CCSER1: variants seen among roughly 807,000 people sequenced by gnomAD.
CCSER1 encodes the protein serine-rich coiled-coil domain-containing protein 1.
A neutral mutation model predicts 82.0 loss-of-function variants in CCSER1; 41 were observed. That is an observed-to-expected ratio of 0.50 (90% confidence interval 0.39 to 0.65). CCSER1 has a LOEUF of 0.65. CCSER1 is among the 30% of genes least tolerant of loss of function. The pLI, the probability that CCSER1 is intolerant of heterozygous loss-of-function variation, is 0.00. For synonymous variants in CCSER1, 414 were observed against 383.9 expected (o/e 1.08, Z -0.92); for missense variants, 1,119 against 1,064.2 (o/e 1.05, Z -0.72).
chr4:90,997,190 G>C (rs1483927252), intron 9 of CCSER1, among the ~76,000 whole-genome samples: 1 of 152,114 alleles, frequency 6.6e-6, no homozygotes, highest in Non-Finnish European at 1.5e-5. Flanking sequence ...GGTTGTAGGG[G>C]AGAGTCGGCT....
chr4:90,804,944 T>G (rs1757313002), intron 7 of CCSER1, among the ~76,000 whole-genome samples: 1 of 152,264 alleles, frequency 6.6e-6, no homozygotes, highest in African/African-American at 2.4e-5. Context: ...ATACTTGAAA[T>G]GAGCTATTTG....
chr4:91,503,010 A>AT (rs938344780), intron 10 of CCSER1, among the ~76,000 whole-genome samples: 2 of 152,090 alleles, frequency 1.3e-5, no homozygotes, highest in Non-Finnish European at 1.5e-5. Flanking sequence ...ACTAAAAAAA[A>AT]TTTTACTTTT....
chr4:90,769,680 A>G (rs1000299762), intron 7 of CCSER1, among the ~76,000 whole-genome samples: 1 of 152,160 alleles, frequency 6.6e-6, no homozygotes, highest in Non-Finnish European at 1.5e-5. Flanking sequence ...AAGAGGGATT[A>G]TATTCAAGGA....
chr4:90,290,562 A>G (rs1318096511), intron 1 of CCSER1, among the ~76,000 whole-genome samples: 1 of 151,982 alleles, frequency 6.6e-6, no homozygotes, highest in African/African-American at 2.4e-5. Context: ...GTACTTGTTT[A>G]GTATTCAATT....
At chr4:90,483,536 C>T (rs1184139330) in intron 5 of CCSER1, among the ~76,000 whole-genome samples, 5 of 152,200 alleles carry the variant, frequency 3.3e-5, no homozygotes, top group South Asian at 2.1e-4. Flanking sequence ...ATGTTTAGTG[C>T]TTCCTTCAGG....
chr4:90,638,029 G>A (rs904770299), intron 6 of CCSER1, among the ~76,000 whole-genome samples: 3 of 152,098 alleles, frequency 2.0e-5, no homozygotes, highest in Non-Finnish European at 2.9e-5. Context: ...CCCACAAATC[G>A]CTTCAAGATA....
chr4:91,003,976 A>G (rs1013517467), intron 9 of CCSER1, among the ~76,000 whole-genome samples: 3 of 152,254 alleles, frequency 2.0e-5, no homozygotes, highest in African/African-American at 7.2e-5. Flanking sequence ...ATCTTCTTCC[A>G]TGATCTAGAC....
chr4:91,460,721 G>T (rs1288099357), intron 10 of CCSER1, among the ~76,000 whole-genome samples: 2 of 152,110 alleles, frequency 1.3e-5, no homozygotes, highest in Non-Finnish European at 2.9e-5. Flanking sequence ...AGCACACCGT[G>T]AAAGCCAGGT....
chr4:90,479,591 T>G lies in CCSER1; in HGVS notation c.1724+11237T>G, dbSNP rs182268465. Among the ~76,000 whole-genome samples, 16 of 152,194 alleles carry G rather than the reference T, an allele frequency of 1.1e-4. No homozygotes were observed. The East Asian group carries it at 2.7e-3, about 26-fold the overall frequency. ...CCTTCCTCTGTCCATGTGTACTCAT[T>G]GATCAATTCCCACCTATAAGTGAGA... On this transcript the variant is annotated intron_variant, in intron 5 of 10. Transcript: ENST00000509176.
In CCSER1 at chr4:91,379,371, C is replaced by T. The variant is rs536830034; in HGVS notation, c.2218-219201C>T. Reference sequence around the variant, plus strand: ...CTCTGGTAGAATTCGGCTGTGAATCCGTCTGGTCCTGGACTTTTTTTTGGT... The same window carrying T: ...CTCTGGTAGAATTCGGCTGTGAATCTGTCTGGTCCTGGACTTTTTTTTGGT... On this transcript the variant is annotated intron_variant, in intron 10 of 10. Coordinates refer to ENST00000509176, the MANE Select transcript of CCSER1 (RefSeq NM_001145065.2). Among the ~76,000 whole-genome samples, 17 of 152,268 alleles carry T rather than the reference C, an allele frequency of 1.1e-4. No individual in the cohort carries two copies. In the East Asian group the frequency reaches 1.9e-3, roughly 17 times the overall value.
chr4:91,247,030 A>G (rs2149139068), intron 10 of CCSER1, among the ~76,000 whole-genome samples: 1 of 152,266 alleles, frequency 6.6e-6, no homozygotes, highest in East Asian at 1.9e-4. Context: ...GGCCCGGTGC[A>G]GTGGCTCACA....
At chr4:90,638,129 C>G (rs1477778533) in intron 6 of CCSER1, among the ~76,000 whole-genome samples, 1 of 152,082 alleles carries the variant, frequency 6.6e-6, no homozygotes, top group Admixed American at 6.6e-5. Flanking sequence ...ATGGGCCATA[C>G]CTTAAAACCT....
At chr4:90,399,627 A>G (rs1372133324) in intron 3 of CCSER1, among the ~76,000 whole-genome samples, 1 of 152,082 alleles carries the variant, frequency 6.6e-6, no homozygotes, top group African/African-American at 2.4e-5. Flanking sequence ...TATACTTTTT[A>G]TGTGTTTGCA....
At chr4:90,863,547 TTTTTC>T (rs1765354888) in intron 8 of CCSER1, among the ~76,000 whole-genome samples, 1 of 151,906 alleles carries the variant, frequency 6.6e-6, no homozygotes, top group Non-Finnish European at 1.5e-5. Flanking sequence ...TGCGTTTCTT[TTTTTC>T]TTTTTACAGC....
intron 10 of CCSER1, among the ~76,000 whole-genome samples, chr4:91,221,258 T>C (rs1345334728): frequency 1.3e-5 from 2 of 152,120 alleles, no homozygotes; most frequent in Non-Finnish European, 2.9e-5. Context: ...ATCCACAAAA[T>C]GCAGTCAATT....
At chr4:90,854,124 C>T (rs890791003) in intron 8 of CCSER1, among the ~76,000 whole-genome samples, 7 of 152,006 alleles carry the variant, frequency 4.6e-5, no homozygotes, top group Non-Finnish European at 1.0e-4. Context: ...GCTAGAGATA[C>T]AAAAATGAAC....
chr4:91,485,390 C>T (rs1758161711), intron 10 of CCSER1, among the ~76,000 whole-genome samples: 1 of 152,092 alleles, frequency 6.6e-6, no homozygotes, highest in Non-Finnish European at 1.5e-5. Flanking sequence ...ATATATGTCA[C>T]CTTTCTTTTG....
At chr4:91,149,354 G>C (rs1011954103) in intron 10 of CCSER1, among the ~76,000 whole-genome samples, 1 of 152,162 alleles carries the variant, frequency 6.6e-6, no homozygotes, top group African/African-American at 2.4e-5. Flanking sequence ...ATTTGTTTAA[G>C]TTCTTTGTAG....
chr4:90,954,374 A>G (rs1468916076), intron 9 of CCSER1, among the ~76,000 whole-genome samples: 1 of 151,852 alleles, frequency 6.6e-6, no homozygotes, highest in Non-Finnish European at 1.5e-5. Context: ...GAATTTTGCC[A>G]ATTAGTTAGC....
Sources: allele counts gnomAD v4.1 joint callset (sites outside exome capture counted in the v4.1 genomes callset), GRCh38; gene constraint gnomAD v4.1.1; transcripts MANE v1.5; gene names NCBI Gene and HGNC (gene_info 2026-07-23, HGNC 2026-07-21).